The following ROR1 variants were observed in gnomAD, a reference collection of about 807,000 sequenced individuals.
ROR1 encodes the protein ROR family WNT receptor 1.
A neutral mutation model predicts 78.8 loss-of-function variants in ROR1; 19 were observed. The ratio of observed to expected loss-of-function variants is 0.24; its 90% CI spans 0.17 to 0.35. ROR1 has a LOEUF of 0.35. Ranked by LOEUF, ROR1 falls within the 10% of genes least tolerant of loss-of-function variation. The pLI is 1.00. For synonymous variants in ROR1, 386 were observed against 433.6 expected, an observed-to-expected ratio of 0.89 and a Z score of 1.36; for missense variants, 917 against 1,177.8, an observed-to-expected ratio of 0.78 and a Z score of 3.24.
chr1:63,798,971 A>G (rs1479636819), intron 1 of ROR1, among the ~76,000 whole-genome samples: 1 of 152,144 alleles, frequency 6.6e-6, no homozygotes, highest in Non-Finnish European at 1.5e-5. Context: ...CTTAACGTCA[A>G]TTTCCCTGCT....
At chr1:64,049,413 A>G (rs1378641654) in intron 2 of ROR1, among the ~76,000 whole-genome samples, 1 of 152,006 alleles carries the variant, frequency 6.6e-6, no homozygotes, top group African/African-American at 2.4e-5. Context: ...TGATTTTTTG[A>G]TCTGAAGCAC....
rs1645140962 is a variant in ROR1, at chr1:63,855,238, G to A, written c.91+80730G>A. Among the ~76,000 whole-genome samples the A allele has an allele frequency of 1.3e-5, 2 of 152,096 alleles. 1 individual carries two copies. The highest frequency in any genetic ancestry group is 4.1e-4 in the South Asian group (2 of 4,832). On this transcript the variant is annotated intron_variant, in intron 1 of 8. Transcript: ENST00000371079. Reference sequence around the variant, plus strand: ...AACAGTTATGTGTACTATGTGTTTGGTAATTAATTATGTACTGACTCATGA... The same window carrying A: ...AACAGTTATGTGTACTATGTGTTTGATAATTAATTATGTACTGACTCATGA...
At chr1:64,130,170 A>C (rs554721044) in intron 4 of ROR1, among the ~76,000 whole-genome samples, 1 of 152,314 alleles carries the variant, frequency 6.6e-6, no homozygotes, top group African/African-American at 2.4e-5. Flanking sequence ...GCTTATGCTT[A>C]CAAAGGCATT....
intron 4 of ROR1, among the ~76,000 whole-genome samples, chr1:64,060,993 G>A (rs958283234): frequency 1.2e-4 from 18 of 152,194 alleles, no homozygotes; most frequent in African/African-American, 4.3e-4. Flanking sequence ...AAAGGGAGAA[G>A]GGTGAAGATA....
At chr1:63,933,178 C>T (rs184935764) in intron 1 of ROR1, among the ~76,000 whole-genome samples, 1 of 152,332 alleles carries the variant, frequency 6.6e-6, no homozygotes, top group African/African-American at 2.4e-5. Context: ...ATCCATCTGG[C>T]ATCTGATGGA....
At chr1:63,912,621 T>C (rs1412564230) in intron 1 of ROR1, among the ~76,000 whole-genome samples, 1 of 152,162 alleles carries the variant, frequency 6.6e-6, no homozygotes, top group Non-Finnish European at 1.5e-5. Context: ...GTTATAGGGC[T>C]GGGGAGAGAC....
chr1:64,109,788 A>G (rs1442804905), intron 4 of ROR1, among the ~76,000 whole-genome samples: 1 of 152,092 alleles, frequency 6.6e-6, no homozygotes, highest in African/African-American at 2.4e-5. Context: ...TCTGCCTTCC[A>G]AAGTGCTGGG....
chr1:63,979,995 A>C (rs1169266447), intron 1 of ROR1, among the ~76,000 whole-genome samples: 1 of 152,134 alleles, frequency 6.6e-6, no homozygotes, highest in East Asian at 1.9e-4. Flanking sequence ...ATAGGAAAGT[A>C]ATGTGGATTA....
intron 1 of ROR1, among the ~76,000 whole-genome samples, chr1:64,008,201 T>C (rs2100541634): frequency 6.6e-6 from 1 of 152,298 alleles, no homozygotes; most frequent in East Asian, 1.9e-4. Context: ...CACTTATAAG[T>C]GAGAACACAT....
At chr1:63,930,217 G>A (rs116409517) in intron 1 of ROR1, among the ~76,000 whole-genome samples, 26 of 152,106 alleles carry the variant, frequency 1.7e-4, no homozygotes, top group African/African-American at 6.3e-4. Flanking sequence ...TTTAAAGGCA[G>A]GGATTCCGGC....
intron 4 of ROR1, among the ~76,000 whole-genome samples, chr1:64,103,096 A>G (rs926831942): frequency 2.0e-5 from 3 of 152,164 alleles, no homozygotes; most frequent in African/African-American, 7.2e-5. Flanking sequence ...GAACAATAGG[A>G]AACAGGCTAA....
intron 1 of ROR1, among the ~76,000 whole-genome samples, chr1:63,991,249 C>T (rs1416661900): frequency 6.6e-6 from 1 of 152,076 alleles, no homozygotes; most frequent in Admixed American, 6.5e-5. Context: ...CGTGCCCAGC[C>T]TAAAAGCCCT....
At chr1:63,782,946 G>T (rs1029781028) in intron 1 of ROR1, among the ~76,000 whole-genome samples, 6 of 152,152 alleles carry the variant, frequency 3.9e-5, no homozygotes, top group South Asian at 4.1e-4. Flanking sequence ...TATGATGTGA[G>T]CCTTGAAGGA....
At chr1:63,869,918 C>G (rs1645241165) in intron 1 of ROR1, among the ~76,000 whole-genome samples, 1 of 152,202 alleles carries the variant, frequency 6.6e-6, no homozygotes, top group East Asian at 1.9e-4. Flanking sequence ...AATGTTAATG[C>G]TTGACTGGCA....
In ROR1 at chr1:64,117,535, T is replaced by C. The variant is rs144155238; in HGVS notation, c.483-19834T>C. Reference sequence around the variant, plus strand: ...TTTGATCTGCCAGTATTTGCCTTTTTCTCACATCACCTGCTGCATGCCACA... The same window carrying C: ...TTTGATCTGCCAGTATTTGCCTTTTCCTCACATCACCTGCTGCATGCCACA... On this transcript the variant is annotated intron_variant, in intron 4 of 8. Coordinates refer to ENST00000371079, the MANE Select transcript of ROR1 (RefSeq NM_005012.4). Among the ~76,000 whole-genome samples the C allele has an allele frequency of 4.3e-3, 658 of 152,354 alleles. 2 individuals are homozygous for C. The highest frequency in any genetic ancestry group is 7.8e-3 in the Admixed American group (119 of 15,304).
At chr1:63,971,945 A>G (rs1646122762) in intron 1 of ROR1, among the ~76,000 whole-genome samples, 1 of 152,212 alleles carries the variant, frequency 6.6e-6, no homozygotes, top group Admixed American at 6.5e-5. Flanking sequence ...GCTATTCTCC[A>G]GCCTTGATCA....
At chr1:63,860,590 C>CGCAT (rs1553138064) in intron 1 of ROR1, among the ~76,000 whole-genome samples, 6 of 148,724 alleles carry the variant, frequency 4.0e-5, no homozygotes, top group Non-Finnish European at 8.9e-5. Flanking sequence ...CACACACACA[C>CGCAT]ACACACACAC....
intron 4 of ROR1, among the ~76,000 whole-genome samples, chr1:64,074,856 C>T (rs932089281): frequency 6.6e-6 from 1 of 152,208 alleles, no homozygotes; most frequent in Non-Finnish European, 1.5e-5. Context: ...TTTTTTCCAT[C>T]TGCACAATGA....
intron 1 of ROR1, among the ~76,000 whole-genome samples, chr1:63,932,468 A>T (rs1471191591): frequency 6.6e-6 from 1 of 152,158 alleles, no homozygotes; most frequent in Non-Finnish European, 1.5e-5. Context: ...GTGCTGTATG[A>T]GAAGTGAGGC....
Sources: gnomAD v4.1 joint callset for allele counts (sites outside exome capture counted in the v4.1 genomes callset) on GRCh38, gnomAD v4.1.1 for gene constraint, MANE v1.5 for transcripts, NCBI Gene and HGNC (gene_info 2026-07-23, HGNC 2026-07-21) for gene names.